CFAP206: variants seen among roughly 807,000 people sequenced by gnomAD.
The protein encoded by CFAP206 is cilia- and flagella-associated protein 206.
Under a neutral mutation model 65.4 loss-of-function variants are expected in CFAP206, and 53 were observed. That is an observed-to-expected ratio of 0.81 (90% CI 0.65 to 1.02). CFAP206 has a LOEUF of 1.02. Ranked by LOEUF, CFAP206 falls within the 50% of genes least tolerant of loss-of-function variation. The pLI is 0.00. For synonymous variants in CFAP206, 250 were observed against 254.4 expected, an observed-to-expected ratio of 0.98 and a Z score of 0.17; for missense variants, 663 against 753.2, an observed-to-expected ratio of 0.88 and a Z score of 1.40.
chr6:87,463,360 T>G (rs1340832499), intron 12 of CFAP206, among the ~76,000 whole-genome samples: 1 of 152,196 alleles, frequency 6.6e-6, no homozygotes, highest in Non-Finnish European at 1.5e-5. Context: ...TATCTCAAAC[T>G]CTGAAATGTT....
In CFAP206 at chr6:87,431,021, C is replaced by T. The variant is rs189479487; in HGVS notation, c.1160-12C>T. ...ACTGAATTAAAGCTTTTCTTCTTCTCCTTCATTTTAGAAGATAGAGTAAAT... is the reference window on the plus strand; with the variant it reads ...ACTGAATTAAAGCTTTTCTTCTTCTTCTTCATTTTAGAAGATAGAGTAAAT... On this transcript the variant is annotated splice_polypyrimidine_tract_variant and intron_variant, in intron 9 of 12. Transcript: ENST00000369562. 5.6e-6 allele frequency: 9 copies of T among 1,611,226 alleles called. No homozygotes were observed. The East Asian group carries it at 1.3e-4, about 24-fold the overall frequency.
rs144292704 is a variant in CFAP206 at position 87,426,529 on chromosome 6, G to C, written c.844G>C (p.Asp282His). ...YEVFLQIILS[D>H]IITGAQEVEM... is the part of the protein sequence containing the mutation. ...GCAAATTATGTTGTTTTCACAGTCA[G>C]ATATAATTACTGGTGCTCAAGAAGT... Residue 282 changes from aspartate to histidine, a missense_variant, in exon 8 of 13, where the codon GAT becomes CAT. Transcript: ENST00000369562. 2.5e-6 allele frequency: 4 copies of C among 1,575,500 alleles called. No homozygotes were observed. In the African/African-American group the frequency reaches 5.4e-5, roughly 21 times the overall value.
intron 11 of CFAP206, among the ~76,000 whole-genome samples, chr6:87,447,694 A>C (rs2127955484): frequency 6.6e-6 from 1 of 152,300 alleles, no homozygotes; most frequent in East Asian, 1.9e-4. Flanking sequence ...TGGCCTCAAA[A>C]AATGAGTTAG....
At chr6:87,434,715 C>A in intron 10 of CFAP206, 145 bp from the exon 11 acceptor site, 1 of 474,678 alleles carries the variant, frequency 2.1e-6, no homozygotes, top group Non-Finnish European at 3.8e-6. Flanking sequence ...TCAGGCTGGT[C>A]TTGAACTCCT....
At chr6:87,445,421 T>C (rs1451658407) in intron 11 of CFAP206, among the ~76,000 whole-genome samples, 1 of 152,108 alleles carries the variant, frequency 6.6e-6, no homozygotes, top group Non-Finnish European at 1.5e-5. Flanking sequence ...GTTTTCTCAT[T>C]GTTCAGCTCC....
At chr6:87,421,610 C>T (rs1020741848) in intron 7 of CFAP206, among the ~76,000 whole-genome samples, 5 of 152,112 alleles carry the variant, frequency 3.3e-5, no homozygotes, top group African/African-American at 9.7e-5. Context: ...GAGTGATGAT[C>T]GTAGTTTTGT....
intron 12 of CFAP206, among the ~76,000 whole-genome samples, chr6:87,463,806 C>T (rs1382973568): frequency 6.6e-6 from 1 of 151,996 alleles, no homozygotes; most frequent in African/African-American, 2.4e-5. Flanking sequence ...CAATTTTCAA[C>T]ATTTTACATA....
chr6:87,425,784 T>C (rs759007839), intron 7 of CFAP206: 1 of 152,518 alleles, frequency 6.6e-6, no homozygotes, highest in Non-Finnish European at 1.5e-5. Context: ...TTTCAGAAAG[T>C]ACAAAAGGTG....
At position 87,429,972 on chromosome 6, in the gene CFAP206, A is replaced by G. The variant is rs553281909; in HGVS notation, c.1160-1061A>G. ...AAATTGAAAAGTTAAAGTATCTCCAACAGTGTATATTAAGCTAACCATATT... is the reference window on the plus strand; with the variant it reads ...AAATTGAAAAGTTAAAGTATCTCCAGCAGTGTATATTAAGCTAACCATATT... On this transcript the variant is annotated intron_variant, in intron 9 of 12. Transcript: ENST00000369562. Among the ~76,000 whole-genome samples the G allele has an allele frequency of 8.5e-5, 13 of 152,326 alleles. No individual in the cohort carries two copies. In the South Asian group the frequency reaches 2.3e-3, roughly 27 times the overall value.
chr6:87,453,679 G>T (rs934090827), intron 11 of CFAP206, among the ~76,000 whole-genome samples: 1 of 151,992 alleles, frequency 6.6e-6, no homozygotes, highest in Non-Finnish European at 1.5e-5. Flanking sequence ...TTAAAATAAT[G>T]GGTTATAAGA....
intron 7 of CFAP206, among the ~76,000 whole-genome samples, chr6:87,421,266 A>T (rs1767935515): frequency 1.3e-5 from 2 of 152,168 alleles, no homozygotes; most frequent in South Asian, 4.1e-4. Flanking sequence ...CAGGCAGATC[A>T]CCTGAGGTCA....
intron 11 of CFAP206, among the ~76,000 whole-genome samples, chr6:87,438,402 A>G (rs1196356440): frequency 1.4e-5 from 2 of 146,464 alleles, no homozygotes; most frequent in Non-Finnish European, 3.0e-5. Context: ...CAGAGGTTGC[A>G]GTGAGCTGAG....
At chr6:87,461,925 A>G (rs528818159) in intron 12 of CFAP206, among the ~76,000 whole-genome samples, 1 of 152,274 alleles carries the variant, frequency 6.6e-6, no homozygotes, top group South Asian at 2.1e-4. Flanking sequence ...TAGTCAGAAA[A>G]GGGGGAAGCC....
At chr6:87,410,549 T>C (rs1451394955) in intron 2 of CFAP206, 36 bp from the exon 3 acceptor site, 2 of 1,446,234 alleles carry the variant, frequency 1.4e-6, no homozygotes, top group South Asian at 1.1e-5. Context: ...AATGGATTCT[T>C]TCCTAGTTAA....
intron 9 of CFAP206, among the ~76,000 whole-genome samples, chr6:87,429,844 A>G (rs1768127547): frequency 6.6e-6 from 1 of 152,214 alleles, no homozygotes; most frequent in Non-Finnish European, 1.5e-5. Flanking sequence ...GAATTCATAA[A>G]AACTGAAAAC....
At chr6:87,422,332 C>T (rs1481013579) in intron 7 of CFAP206, among the ~76,000 whole-genome samples, 1 of 151,520 alleles carries the variant, frequency 6.6e-6, no homozygotes, top group Non-Finnish European at 1.5e-5. Context: ...AGCCTGTAAT[C>T]CCAGCTACTC....
intron 2 of CFAP206, among the ~76,000 whole-genome samples, chr6:87,410,175 T>C (rs1457649739): frequency 6.6e-6 from 1 of 152,244 alleles, no homozygotes; most frequent in African/African-American, 2.4e-5. Context: ...GAAACATCAA[T>C]AATGTTCTCC....
At chr6:87,430,890 G>C (rs188118986) in intron 9 of CFAP206, 143 bp from the exon 10 acceptor site, 1 of 701,828 alleles carries the variant, frequency 1.4e-6, no homozygotes, top group Non-Finnish European at 2.3e-6. Context: ...CATAAATCTG[G>C]TTTTGTGAAT....
Position 87,418,323 on chromosome 6 carries a change from C to T in CFAP206, c.747C>T (p.Asn249=), listed in dbSNP as rs745829570. The T allele has an allele frequency of 2.1e-5, 34 of 1,613,998 alleles. No individual in the cohort carries two copies. The highest frequency in any genetic ancestry group is 2.7e-5 in the Non-Finnish European group (32 of 1,180,030). ...CAGCCATCCTTGAGAAGGCAGCCAACGACCCACTCATGAGGGCTGAACTTC... is the reference window on the plus strand; with the variant it reads ...CAGCCATCCTTGAGAAGGCAGCCAATGACCCACTCATGAGGGCTGAACTTC... ...RYTAILEKAA[N]DPLMRAELQP... is the part of the protein sequence containing the mutation. The change falls in exon 7 of 13, where the codon AAC becomes AAT. Residue 249 remains asparagine (N), a synonymous_variant. Coordinates refer to ENST00000369562, the MANE Select transcript of CFAP206 (RefSeq NM_001031743.3).
Sources: gnomAD v4.1 joint callset for allele counts (sites outside exome capture counted in the v4.1 genomes callset) on GRCh38, gnomAD v4.1.1 for gene constraint, MANE v1.5 for transcripts, NCBI Gene and HGNC (gene_info 2026-07-23, HGNC 2026-07-21) for gene names.